LRBA: variants seen among roughly 807,000 people sequenced by gnomAD.
LRBA encodes the protein lipopolysaccharide-responsive and beige-like anchor protein.
Under a neutral mutation model 330.0 loss-of-function variants are expected in LRBA, and 176 were observed. The ratio of observed to expected loss-of-function variants is 0.53; its 90% confidence interval spans 0.47 to 0.60. The LOEUF (loss-of-function observed/expected upper bound fraction) is 0.60. LRBA is among the 20% of genes least tolerant of loss of function. The probability of loss-of-function intolerance (pLI) is 0.00; values close to 1 mark genes in which losing one functional copy is unlikely to be tolerated. For synonymous variants in LRBA, 1,230 were observed against 1,193.0 expected (o/e 1.03, Z -0.64); for missense variants, 3,259 against 3,444.8 (o/e 0.95, Z 1.35).
At chr4:150,830,656 G>A (rs1439427385) in intron 29 of LRBA, among the ~76,000 whole-genome samples, 2 of 151,862 alleles carry the variant, frequency 1.3e-5, no homozygotes, top group Non-Finnish European at 2.9e-5. Flanking sequence ...ATGGTCTTAG[G>A]ACACTAAGTG....
intron 40 of LRBA, among the ~76,000 whole-genome samples, chr4:150,578,582 T>C (rs1770829907): frequency 6.6e-6 from 1 of 152,220 alleles, no homozygotes; most frequent in Admixed American, 6.5e-5. Context: ...AACATTCACA[T>C]TGCTATAAAA....
rs943154636 is a variant in LRBA, at chr4:150,849,446, C to T, written c.4134G>A (p.Leu1378=). Residue 1378 remains leucine, a synonymous_variant, in exon 25 of 57, where the codon TTG becomes TTA. Coordinates refer to ENST00000651943, the MANE Select transcript of LRBA (RefSeq NM_001364905.1). ...CTGTAGCCGATGTAGCAGCTGAAAG[C>T]AATGGCAGTATACCCCCACAAGCCA... ...MVMACGGILP[L]LSAATSATHE... 1 of 1,613,934 alleles carries T rather than the reference C, an allele frequency of 6.2e-7. No individual in the cohort carries two copies. Among genetic ancestry groups the T allele is most frequent in the East Asian group, 2.2e-5 (1 of 44,870 alleles).
intron 40 of LRBA, among the ~76,000 whole-genome samples, chr4:150,561,599 C>T (rs1768350899): frequency 6.6e-6 from 1 of 152,008 alleles, no homozygotes; most frequent in African/African-American, 2.4e-5. Flanking sequence ...AAGGAAGCCA[C>T]AAGCCAAGGA....
chr4:150,869,078 G>A (rs1329631199), intron 20 of LRBA, among the ~76,000 whole-genome samples: 5 of 151,890 alleles, frequency 3.3e-5, no homozygotes, highest in East Asian at 3.9e-4. Flanking sequence ...CTGCCACCAC[G>A]CCTAGCTAAT....
intron 37 of LRBA, among the ~76,000 whole-genome samples, chr4:150,660,750 T>G (rs1780983845): frequency 7.8e-6 from 1 of 127,896 alleles, no homozygotes. Context: ...CTTGGGATCC[T>G]GTTGATCTGT....
At position 150,852,584 on chromosome 4, in the gene LRBA, T is replaced by C. The variant is rs772523627; in HGVS notation, c.3126A>G (p.Thr1042=). Residue 1042 remains threonine, a synonymous_variant, in exon 23 of 57, where the codon ACA becomes ACG. Coordinates refer to ENST00000651943, the MANE Select transcript of LRBA (RefSeq NM_001364905.1). ...ATACTTCTAAATCATCTGCATTCCTTGTCTCATTTGTCAGTGTTTCTTCCA... is the reference window on the plus strand; with the variant it reads ...ATACTTCTAAATCATCTGCATTCCTCGTCTCATTTGTCAGTGTTTCTTCCA... The part of the protein sequence containing the change: ...GTLEETLTNE[T]RNADDLEVSS... 5.0e-6 allele frequency: 8 copies of C among 1,613,906 alleles called. No individual in the cohort carries two copies. In the South Asian group the frequency reaches 7.7e-5, roughly 16 times the overall value.
chr4:150,416,654 ATTT>A (rs1381562634), intron 46 of LRBA, among the ~76,000 whole-genome samples: 2 of 151,644 alleles, frequency 1.3e-5, no homozygotes, highest in African/African-American at 4.8e-5. Flanking sequence ...AAAAGACCTT[ATTT>A]AAAGCTTAGC....
At chr4:150,606,605 C>T (rs1240398287) in intron 37 of LRBA, among the ~76,000 whole-genome samples, 1 of 152,100 alleles carries the variant, frequency 6.6e-6, no homozygotes, top group East Asian at 1.9e-4. Flanking sequence ...ATATACAGTA[C>T]CGCCAAGCCT....
intron 46 of LRBA, among the ~76,000 whole-genome samples, chr4:150,419,578 T>G (rs542791404): frequency 6.6e-6 from 1 of 151,956 alleles, no homozygotes; most frequent in Non-Finnish European, 1.5e-5. Context: ...GTGGTTATAA[T>G]TTTATACCTA....
intron 55 of LRBA, among the ~76,000 whole-genome samples, chr4:150,281,374 AGAAGGAAGCC>A (rs1320160872): frequency 6.6e-6 from 1 of 152,150 alleles, no homozygotes; most frequent in African/African-American, 2.4e-5. Context: ...AGTGGAGACA[AGAAGGAAGCC>A]GTCCACTGAA....
intron 16 of LRBA, among the ~76,000 whole-genome samples, chr4:150,894,116 G>A (rs1304468292): frequency 6.6e-6 from 1 of 152,060 alleles, no homozygotes; most frequent in Non-Finnish European, 1.5e-5. Context: ...AAGAAATTGT[G>A]GGGAAGGGTT....
At chr4:150,387,141 A>C (rs1225085318) in intron 47 of LRBA, among the ~76,000 whole-genome samples, 1 of 151,678 alleles carries the variant, frequency 6.6e-6, no homozygotes, top group African/African-American at 2.4e-5. Flanking sequence ...TTCCTTGTAG[A>C]TGCTAAATAT....
At chr4:150,538,814 C>CA (rs35022729) in intron 40 of LRBA, among the ~76,000 whole-genome samples, 13,464 of 100,992 alleles carry the variant, frequency 0.13, 691 homozygotes, top group Non-Finnish European at 0.16. Flanking sequence ...GGCCCTGTCT[C>CA]AAAAAAAAAA....
At position 150,746,802 on chromosome 4, in the gene LRBA, G is replaced by A. The variant is rs141249951; in HGVS notation, c.5646-11436C>T. ...TGGGATTATAGGTGTGAGCCACTAC[G>A]CCCGGCCAAAAGTTGTTTTTCTTTG... On this transcript the variant is annotated intron_variant, in intron 35 of 56. Coordinates refer to ENST00000651943, the MANE Select transcript of LRBA (RefSeq NM_001364905.1). Among the ~76,000 whole-genome samples, 653 of 152,120 alleles carry A rather than the reference G, an allele frequency of 4.3e-3. 4 individuals are homozygous for A. The highest frequency in any genetic ancestry group is 0.015 in the African/African-American group (631 of 41,502).
chr4:150,265,732 GT>G lies in LRBA; in HGVS notation c.8548del (p.Thr2850ProfsTer16). On this transcript the variant is annotated frameshift_variant, in exon 57 of 57. Coordinates refer to ENST00000651943, the MANE Select transcript of LRBA (RefSeq NM_001364905.1). LOFTEE classifies it high-confidence loss of function. ...GTACAGCTGTCACCATCAGTAGCGGGTTTGGTATTCATGATGCCACCGGTTA... is the reference window on the plus strand; with the variant it reads ...GTACAGCTGTCACCATCAGTAGCGGGTTGGTATTCATGATGCCACCGGTTA... Reference protein sequence around the residue: ...DFNRWHHEYQTRY With the variant: ...DFNRWHHEYQXRY The G allele has an allele frequency of 1.9e-6, 3 of 1,610,568 alleles. No individual in the cohort carries two copies. The highest frequency in any genetic ancestry group is 2.5e-6 in the Non-Finnish European group (3 of 1,176,730).
At chr4:150,735,421 G>T in intron 35 of LRBA, 55 bp from the exon 36 acceptor site, 1 of 1,130,536 alleles carries the variant, frequency 8.8e-7, no homozygotes, top group South Asian at 1.2e-5. Flanking sequence ...CAACATAAAT[G>T]ATTATTCACT....
intron 28 of LRBA, among the ~76,000 whole-genome samples, chr4:150,841,253 C>A (rs1749029384): frequency 6.6e-6 from 1 of 152,146 alleles, no homozygotes; most frequent in Non-Finnish European, 1.5e-5. Flanking sequence ...AATCTAAATC[C>A]TTATTTAGCC....
At chr4:150,737,158 T>C (rs893868241) in intron 35 of LRBA, among the ~76,000 whole-genome samples, 2 of 152,116 alleles carry the variant, frequency 1.3e-5, no homozygotes, top group African/African-American at 4.8e-5. Flanking sequence ...TTTCAAGTTA[T>C]AGTGAGCTAT....
At chr4:150,582,272 AAGG>A (rs1771470083) in intron 40 of LRBA, 1 of 152,158 alleles carries the variant, frequency 6.6e-6, no homozygotes, top group Non-Finnish European at 1.5e-5. Flanking sequence ...AAAGAAACAC[AAGG>A]AGAACCCACT....
Sources: allele counts gnomAD v4.1 joint callset (sites outside exome capture counted in the v4.1 genomes callset), GRCh38; gene constraint gnomAD v4.1.1; transcripts MANE v1.5; gene names NCBI Gene and HGNC (gene_info 2026-07-23, HGNC 2026-07-21).